Variants in BEST3 observed in about 807,000 individuals in gnomAD.
BEST3 encodes bestrophin-3.
BEST3 carries 50 observed loss-of-function variants against 47.1 expected under a neutral mutation model. The ratio of observed to expected loss-of-function variants is 1.06; its 90% confidence interval spans 0.85 to 1.34. The LOEUF (loss-of-function observed/expected upper bound fraction) is 1.34. BEST3 is among the 40% of genes most tolerant of loss of function. BEST3 has a pLI of 0.00. For missense variants in BEST3, 765 were observed against 817.0 expected (o/e 0.94, Z 0.78); for synonymous variants, 282 against 298.8 (o/e 0.94, Z 0.58).
intron 9 of BEST3, among the ~76,000 whole-genome samples, chr12:69,665,115 G>GT (rs1291643032): frequency 7.4e-5 from 9 of 121,674 alleles, no homozygotes; most frequent in Non-Finnish European, 1.4e-4. Context: ...TTCAGTAAAA[G>GT]GGATGCCAAG....
At chr12:69,653,108 T>C (rs542749638), downstream of BEST3, among the ~76,000 whole-genome samples, 1 of 152,226 alleles carries the variant, frequency 6.6e-6, no homozygotes, top group Non-Finnish European at 1.5e-5. Context: ...ATGTGCTAAT[T>C]TGAACATTGC....
At chr12:69,696,222 A>G (rs989451752) in intron 2 of BEST3, among the ~76,000 whole-genome samples, 1 of 152,188 alleles carries the variant, frequency 6.6e-6, no homozygotes, top group African/African-American at 2.4e-5. Flanking sequence ...GATGACTTGA[A>G]CTGATAATTT....
chr12:69,659,304 T>C (rs1391326411), intron 9 of BEST3, among the ~76,000 whole-genome samples: 3 of 152,212 alleles, frequency 2.0e-5, no homozygotes, highest in Admixed American at 2.0e-4. Flanking sequence ...ATTCCCAATA[T>C]GACAGCAGAA....
At chr12:69,679,304 G>C (rs781335121) in intron 4 of BEST3, among the ~76,000 whole-genome samples, 1 of 152,168 alleles carries the variant, frequency 6.6e-6, no homozygotes, top group Non-Finnish European at 1.5e-5. Context: ...GCATAGTGCC[G>C]AACACATGAC....
intron 9 of BEST3, among the ~76,000 whole-genome samples, chr12:69,659,135 C>T (rs1307055597): frequency 6.6e-6 from 1 of 152,158 alleles, no homozygotes; most frequent in African/African-American, 2.4e-5. Context: ...GTATCTTACA[C>T]TGAGTGGTGA....
chr12:69,657,099 T>G (rs946994624), intron 9 of BEST3, among the ~76,000 whole-genome samples: 2 of 152,104 alleles, frequency 1.3e-5, no homozygotes, highest in Non-Finnish European at 2.9e-5. Flanking sequence ...ATTTAATTAG[T>G]TAATTTATTT....
At chr12:69,658,051 C>A (rs1337379781) in intron 9 of BEST3, among the ~76,000 whole-genome samples, 1 of 152,110 alleles carries the variant, frequency 6.6e-6, no homozygotes, top group African/African-American at 2.4e-5. Flanking sequence ...GAGGAGGACA[C>A]CAGAGGAGCC....
At chr12:69,698,253 A>G (rs1886207285) in intron 1 of BEST3, among the ~76,000 whole-genome samples, 1 of 152,228 alleles carries the variant, frequency 6.6e-6, no homozygotes, top group East Asian at 1.9e-4. Context: ...AAGTTGGGTC[A>G]TAGTGATAAA....
At chr12:69,668,604 T>C (rs1316198947) in intron 9 of BEST3, among the ~76,000 whole-genome samples, 1 of 152,234 alleles carries the variant, frequency 6.6e-6, no homozygotes, top group African/African-American at 2.4e-5. Flanking sequence ...AGAGAACATC[T>C]ATTGTTTTTG....
chr12:69,673,790 G>A (rs1184710313), intron 7 of BEST3, among the ~76,000 whole-genome samples: 3 of 150,450 alleles, frequency 2.0e-5, no homozygotes, highest in African/African-American at 7.4e-5. Context: ...ATGAGTTAGA[G>A]AGCTAGTAAG....
chr12:69,644,189 A>G (rs2135889746), intron 9 of BEST3, among the ~76,000 whole-genome samples: 1 of 152,340 alleles, frequency 6.6e-6, no homozygotes, highest in East Asian at 1.9e-4. Flanking sequence ...TATTTGCCTC[A>G]TGGTTTATGT....
intron 2 of BEST3, among the ~76,000 whole-genome samples, chr12:69,696,212 G>A (rs1450758047): frequency 2.0e-5 from 3 of 152,046 alleles, no homozygotes; most frequent in Non-Finnish European, 2.9e-5. Flanking sequence ...AAAATTTAAG[G>A]ATGACTTGAA....
intron 9 of BEST3, among the ~76,000 whole-genome samples, chr12:69,657,881 A>G (rs710738): frequency 0.73 from 111,076 of 152,108 alleles, 40,713 homozygotes; most frequent in South Asian, 0.85. Context: ...CTTGGCTACC[A>G]GATAGCCTTC....
Position 69,653,845 on chromosome 12 carries a change from A to G in BEST3, c.*1062T>C. The G allele has an allele frequency of 1.0e-6, 1 of 985,468 alleles. No individual in the cohort carries two copies. Among genetic ancestry groups the G allele is most frequent in the Non-Finnish European group, 1.2e-6 (1 of 829,954 alleles). The allele number at this position is 985,468 out of a possible 1,614,324, so 61.0% of individuals were successfully genotyped here. ...CATTCCCAAATGACCCGATAGACACAGTAACTGGTCCCGTGTTGCGACACG... is the reference window on the plus strand; with the variant it reads ...CATTCCCAAATGACCCGATAGACACGGTAACTGGTCCCGTGTTGCGACACG... On this transcript the variant is annotated 3_prime_UTR_variant, in exon 10 of 10. Coordinates refer to ENST00000330891, the MANE Select transcript of BEST3 (RefSeq NM_032735.3).
chr12:69,665,494 G>A (rs1207526805), intron 9 of BEST3, among the ~76,000 whole-genome samples: 1 of 152,184 alleles, frequency 6.6e-6, no homozygotes, highest in Admixed American at 6.5e-5. Flanking sequence ...TTGGGAGGCT[G>A]AGGCAGGGGA....
At chr12:69,697,871 A>C in intron 1 of BEST3, 58 bp from the exon 2 acceptor site, 2 of 1,387,788 alleles carry the variant, frequency 1.4e-6, no homozygotes, top group Non-Finnish European at 2.0e-6. Context: ...TAGGGCATAA[A>C]TCTGTATGTC....
intron 2 of BEST3, among the ~76,000 whole-genome samples, chr12:69,694,808 C>T (rs1191033117): frequency 6.6e-6 from 1 of 152,048 alleles, no homozygotes; most frequent in African/African-American, 2.4e-5. Context: ...ATCAGGAATA[C>T]CTTAAAAAGA....
At position 69,670,693 on chromosome 12, in the gene BEST3, G is replaced by A. The variant is rs147866747; in HGVS notation, c.1100+735C>T. The A allele has an allele frequency of 3.2e-5, 17 of 530,538 alleles. No individual in the cohort carries two copies. The East Asian group carries it at 4.3e-4, about 13-fold the overall frequency. 32.9% of individuals were successfully genotyped at this position (530,538 alleles called of 1,614,324 possible). A position where few individuals can be genotyped will look rare whatever the true frequency, so the allele number is the denominator to read the frequency against. On this transcript the variant is annotated intron_variant, in intron 9 of 9. Transcript: ENST00000330891. ...AAATCCGCTTACAGCAGGCCTCAGG[G>A]AACTATGAGCCACAGTCTTGCCAAG...
At chr12:69,695,795 A>C (rs552668771) in intron 2 of BEST3, among the ~76,000 whole-genome samples, 1 of 152,288 alleles carries the variant, frequency 6.6e-6, no homozygotes, top group Admixed American at 6.5e-5. Flanking sequence ...AGGCATTGTA[A>C]AGATTAAATA....
Sources: gnomAD v4.1 joint callset for allele counts (sites outside exome capture counted in the v4.1 genomes callset) on GRCh38, gnomAD v4.1.1 for gene constraint, MANE v1.5 for transcripts, NCBI Gene and HGNC (gene_info 2026-07-23, HGNC 2026-07-21) for gene names.